MYRFL: variants seen among roughly 807,000 people sequenced by gnomAD.
MYRFL encodes the protein myelin regulatory factor like.
MYRFL carries 88 observed loss-of-function variants against 109.4 expected under a neutral mutation model. The observed-to-expected ratio is 0.80, with a 90% CI of 0.68 to 0.96. MYRFL has a LOEUF of 0.96. Among genes scored for constraint, MYRFL ranks in the 40% least tolerant of loss-of-function variants. MYRFL has a pLI of 0.00. For synonymous variants in MYRFL, 324 were observed against 320.9 expected (o/e 1.01, Z -0.10); for missense variants, 957 against 954.9 (o/e 1.00, Z -0.03).
At chr12:69,876,096 G>A (rs973183875) in intron 2 of MYRFL, among the ~76,000 whole-genome samples, 3 of 152,132 alleles carry the variant, frequency 2.0e-5, no homozygotes, top group Non-Finnish European at 2.9e-5. Flanking sequence ...CAGAATCCAG[G>A]GGTCCCCTGC....
Position 69,825,474 on chromosome 12 carries a change from A to C in MYRFL, c.-44A>C, listed in dbSNP as rs1243711508. The C allele has an allele frequency of 1.4e-6, 1 of 698,662 alleles. No homozygotes were observed. Among genetic ancestry groups the C allele is most frequent in the South Asian group, 1.5e-5 (1 of 66,618 alleles). The allele number at this position is 698,662 out of a possible 1,614,324, so 43.3% of individuals were successfully genotyped here. On this transcript the variant is annotated 5_prime_UTR_variant, in exon 1 of 25. Coordinates refer to ENST00000552032, the MANE Select transcript of MYRFL (RefSeq NM_182530.3). ...GACAGTACTTATTTCCTGAGGTCTG[A>C]TAACCGTTGTTTTATGAGGAAATAG...
intron 19 of MYRFL, among the ~76,000 whole-genome samples, chr12:69,945,986 C>CAAAAAAAAAAAAAAAAAAAAAA (rs56988555): frequency 7.1e-5 from 3 of 42,340 alleles, no homozygotes; most frequent in Non-Finnish European, 1.2e-4. Context: ...GACTCCGTCT[C>CAAAAAAAAAAAAAAAAAAAAAA]AAAAAAAAAA....
chr12:69,946,412 C>T (rs1247202105), intron 19 of MYRFL: 1 of 152,052 alleles, frequency 6.6e-6, no homozygotes, highest in Non-Finnish European at 1.5e-5. Context: ...AACCCAAAAA[C>T]TTTTGGAAAT....
At chr12:69,873,550 A>G (rs1290333882) in intron 2 of MYRFL, among the ~76,000 whole-genome samples, 1 of 152,194 alleles carries the variant, frequency 6.6e-6, no homozygotes, top group African/African-American at 2.4e-5. Flanking sequence ...AACACAAGCA[A>G]TGTGATATCG....
chr12:69,910,963 C>T (rs1954548706), intron 13 of MYRFL, 33 bp downstream of exon 13: 1 of 1,450,126 alleles, frequency 6.9e-7, no homozygotes, highest in Admixed American at 2.0e-5. Context: ...CTGCTATAAG[C>T]TATCAGTCTA....
At chr12:69,900,137 A>C (rs1397050942) in intron 10 of MYRFL, among the ~76,000 whole-genome samples, 1 of 152,248 alleles carries the variant, frequency 6.6e-6, no homozygotes, top group Non-Finnish European at 1.5e-5. Context: ...AAGAATAGAA[A>C]TGGTCATGTC....
intron 1 of MYRFL, among the ~76,000 whole-genome samples, chr12:69,835,467 A>T (rs1882876446): frequency 6.6e-6 from 1 of 152,240 alleles, no homozygotes; most frequent in Non-Finnish European, 1.5e-5. Flanking sequence ...CGCTCATAAA[A>T]GCATGCATGG....
chr12:69,938,560 A>G (rs1164106952), intron 19 of MYRFL, among the ~76,000 whole-genome samples: 1 of 152,182 alleles, frequency 6.6e-6, no homozygotes, highest in Non-Finnish European at 1.5e-5. Context: ...CTGAAAAATT[A>G]TTATTGCCTG....
chr12:69,892,836 A>G (rs1886995393), intron 7 of MYRFL, among the ~76,000 whole-genome samples: 1 of 152,204 alleles, frequency 6.6e-6, no homozygotes, highest in African/African-American at 2.4e-5. Flanking sequence ...GGGATCCACC[A>G]TTTGGTAGCC....
intron 1 of MYRFL, among the ~76,000 whole-genome samples, chr12:69,831,700 C>T (rs190672407): frequency 1.3e-5 from 2 of 152,190 alleles, no homozygotes; most frequent in East Asian, 1.9e-4. Flanking sequence ...TTATTTTCTC[C>T]GTTTAGCATC....
chr12:69,841,882 A>G (rs1174329032), intron 1 of MYRFL, among the ~76,000 whole-genome samples: 1 of 152,214 alleles, frequency 6.6e-6, no homozygotes, highest in Non-Finnish European at 1.5e-5. Context: ...GCTGGGACCT[A>G]TGCTAAGCAC....
rs568017048 is a variant in MYRFL, at chr12:69,940,220, C to T, written c.2224+3588C>T. On this transcript the variant is annotated intron_variant, in intron 19 of 24. Coordinates refer to ENST00000552032, the MANE Select transcript of MYRFL (RefSeq NM_182530.3). ...CAGAGAACACCACAAAGATACTCCT[C>T]GAGAAGAGCAACTCCAAGACACATA... 5.3e-5 allele frequency among the ~76,000 whole-genome samples: 8 copies of T among 151,808 alleles called. No homozygotes were observed. The South Asian group carries it at 1.3e-3, about 24-fold the overall frequency.
chr12:69,825,407 A>G lies in MYRFL; in HGVS notation c.-111A>G, dbSNP rs140232999. The G allele has an allele frequency of 5.5e-4, 382 of 690,628 alleles. No individual in the cohort carries two copies. Among genetic ancestry groups the G allele is most frequent in the African/African-American group, 5.2e-3 (295 of 56,440 alleles). 42.8% of individuals were successfully genotyped at this position (690,628 alleles called of 1,614,324 possible). A position where few individuals can be genotyped will look rare whatever the true frequency, so the allele number is the denominator to read the frequency against. On this transcript the variant is annotated 5_prime_UTR_variant, in exon 1 of 25. An upstream start codon of the reference 5' UTR is lost. Transcript: ENST00000552032. ...TATGCTTCACTCCAATAAAAAGAAA[A>G]TGAAGATTTTTCAAGAGCATTCGTA...
Position 69,958,606 on chromosome 12 carries a change from A to G in MYRFL, c.*75A>G. On this transcript the variant is annotated 3_prime_UTR_variant, in exon 25 of 25. Transcript: ENST00000552032. ...TTAACAGAAACGAACATCCTCTTGC[A>G]ACTTCTTTTTTCTTCTTTGTAAAAC... The G allele has an allele frequency of 9.1e-7, 1 of 1,104,796 alleles. No individual in the cohort carries two copies. Among genetic ancestry groups the G allele is most frequent in the Non-Finnish European group, 1.3e-6 (1 of 783,740 alleles). The allele number at this position is 1,104,796 out of a possible 1,614,324, so 68.4% of individuals were successfully genotyped here. A position where few individuals can be genotyped will look rare whatever the true frequency, so the allele number is the denominator to read the frequency against.
rs2136332372 is a variant in MYRFL, at chr12:69,879,191, C to G, written c.206-4C>G. ...GGGCACTTCCTGCTTGTGTCTCTCC[C>G]CAGGTGCATGCTACCCAACCCTGAG... On this transcript the variant is annotated splice_polypyrimidine_tract_variant and splice_region_variant and intron_variant, in intron 3 of 24. Coordinates refer to ENST00000552032, the MANE Select transcript of MYRFL (RefSeq NM_182530.3). 1 of 702,808 alleles carries G rather than the reference C, an allele frequency of 1.4e-6. No individual in the cohort carries two copies. Among genetic ancestry groups the G allele is most frequent in the Admixed American group, 2.0e-5 (1 of 50,008 alleles). The allele number at this position is 702,808 out of a possible 1,614,324, so 43.5% of individuals were successfully genotyped here.
At chr12:69,868,449 G>C (rs1294264254) in intron 2 of MYRFL, among the ~76,000 whole-genome samples, 1 of 152,100 alleles carries the variant, frequency 6.6e-6, no homozygotes, top group African/African-American at 2.4e-5. Context: ...TAAGTACAAT[G>C]ATGGTACCTT....
chr12:69,854,270 T>C (rs867767601), intron 1 of MYRFL, among the ~76,000 whole-genome samples: 56 of 149,136 alleles, frequency 3.8e-4, no homozygotes, highest in African/African-American at 1.3e-3. Flanking sequence ...AGGCAGGGAG[T>C]TTGCAGTGAG....
chr12:69,927,742 C>A lies in MYRFL; in HGVS notation c.1824C>A (p.Asn608Lys). The change falls in exon 15 of 25, where the codon AAC becomes AAA. Residue 608 changes from asparagine to lysine, a missense_variant. Transcript: ENST00000552032. ...SSPRRAVHKKNNKVYFSGKRQ... is the reference protein window; with the variant it reads ...SSPRRAVHKKKNKVYFSGKRQ... ...CAAGAAGGGCCGTTCATAAAAAAAA[C>A]AACAAGGTAAATAGACACATTTACA... 2.6e-6 allele frequency: 4 copies of A among 1,530,730 alleles called. No individual in the cohort carries two copies. The highest frequency in any genetic ancestry group is 1.4e-5 in the African/African-American group (1 of 72,846). 94.8% of individuals were successfully genotyped at this position (1,530,730 alleles called of 1,614,324 possible).
rs372111825 is a variant in MYRFL, at chr12:69,935,935, A to G, written c.1917-178A>G. ...GCTCTTTTTCTCTCCAGGGCAGAAA[A>G]GCATAACTGTGCTGGTTTCCATGGT... On this transcript the variant is annotated intron_variant, in intron 16 of 24. Transcript: ENST00000552032. 12 of 688,170 alleles carry G rather than the reference A, an allele frequency of 1.7e-5. No individual in the cohort carries two copies. The African/African-American group carries it at 2.2e-4, about 12-fold the overall frequency. 42.6% of individuals were successfully genotyped at this position (688,170 alleles called of 1,614,324 possible).
Sources: allele counts gnomAD v4.1 joint callset (sites outside exome capture counted in the v4.1 genomes callset), GRCh38; gene constraint gnomAD v4.1.1; transcripts MANE v1.5; gene names NCBI Gene and HGNC (gene_info 2026-07-23, HGNC 2026-07-21).